Variants in AGAP1 observed in about 807,000 individuals in gnomAD.
The protein encoded by AGAP1 is ArfGAP with GTPase domain, ankyrin repeat and PH domain 1, also known as arf-GAP with GTPase, ANK repeat and PH domain-containing protein 1.
AGAP1 carries 29 observed loss-of-function variants against 105.3 expected under a neutral mutation model. The observed-to-expected ratio is 0.28, with a 90% CI of 0.21 to 0.38. The LOEUF (loss-of-function observed/expected upper bound fraction) is 0.38. AGAP1 is among the 10% of genes least tolerant of loss of function. The pLI is 1.00. For synonymous variants in AGAP1, 509 were observed against 485.9 expected, an observed-to-expected ratio of 1.05 and a Z score of -0.63; for missense variants, 998 against 1,165.1, an observed-to-expected ratio of 0.86 and a Z score of 2.09.
At position 235,712,355 on chromosome 2, in the gene AGAP1, A is replaced by G. The variant is rs753025538; in HGVS notation, c.222+3118A>G. Among the ~76,000 whole-genome samples, 1 of 152,246 alleles carries G rather than the reference A, an allele frequency of 6.6e-6. No homozygotes were observed. Among genetic ancestry groups the G allele is most frequent in the Non-Finnish European group, 1.5e-5 (1 of 68,040 alleles). On this transcript the variant is annotated intron_variant, in intron 2 of 17. Coordinates refer to ENST00000304032, the MANE Select transcript of AGAP1 (RefSeq NM_001037131.3). This position sits in a 1 kb window ranked among gnomAD's most constrained non-coding sequence, Gnocchi z 6.0. ...AAGTTGTGCTGTGGTCAGATCGTCCATGACCAGTTGCTTTTGGTGCTGCAC... is the reference window on the plus strand; with the variant it reads ...AAGTTGTGCTGTGGTCAGATCGTCCGTGACCAGTTGCTTTTGGTGCTGCAC...
At position 235,842,810 on chromosome 2, in the gene AGAP1, C is replaced by T. The variant is rs946873763; in HGVS notation, c.1050+35479C>T. On this transcript the variant is annotated intron_variant, in intron 9 of 17. Coordinates refer to ENST00000304032, the MANE Select transcript of AGAP1 (RefSeq NM_001037131.3). This position sits in a 1 kb window ranked among gnomAD's most constrained non-coding sequence, Gnocchi z 5.3. ...TGGCACGGTCTTGGTTCACTGCAACCTCTGCCTCCCAGGTTCAAGTGATTC... is the reference window on the plus strand; with the variant it reads ...TGGCACGGTCTTGGTTCACTGCAACTTCTGCCTCCCAGGTTCAAGTGATTC... 4.0e-5 allele frequency among the ~76,000 whole-genome samples: 6 copies of T among 149,874 alleles called. No individual in the cohort carries two copies. Among genetic ancestry groups the T allele is most frequent in the Admixed American group, 6.6e-5 (1 of 15,130 alleles).
chr2:235,763,940 G>A (rs902757668), intron 6 of AGAP1, among the ~76,000 whole-genome samples: 3 of 152,168 alleles, frequency 2.0e-5, no homozygotes, highest in Non-Finnish European at 2.9e-5. Flanking sequence ...GGGAGCAGCC[G>A]TGCTCCCCAG....
At chr2:235,862,800 G>GC (rs2048983976) in intron 9 of AGAP1, among the ~76,000 whole-genome samples, 2 of 152,204 alleles carry the variant, frequency 1.3e-5, no homozygotes, top group Non-Finnish European at 2.9e-5. Flanking sequence ...CCTGAGGGCA[G>GC]CCCTGGGTTG....
rs1031651089 is a variant in AGAP1, at chr2:236,020,001, CTT to C, written c.1646-16559_1646-16558del. Among the ~76,000 whole-genome samples the C allele has an allele frequency of 6.6e-6, 1 of 152,246 alleles. No homozygotes were observed. Among genetic ancestry groups the C allele is most frequent in the Non-Finnish European group, 1.5e-5 (1 of 68,036 alleles). On this transcript the variant is annotated intron_variant, in intron 13 of 17. Coordinates refer to ENST00000304032, the MANE Select transcript of AGAP1 (RefSeq NM_001037131.3). The surrounding 1 kb of genome is among the most constrained non-coding windows in gnomAD (Gnocchi z 5.0). ...TTCTCTTTCACACTGAATCACTGCT[CTT>C]GTTTGTATGAGGCAGGCATGGGCGC... is the stretch of plus-strand genomic sequence containing the variant.
intron 1 of AGAP1, among the ~76,000 whole-genome samples, chr2:235,594,244 G>C (rs902765662): frequency 3.3e-5 from 5 of 151,442 alleles, no homozygotes; most frequent in Non-Finnish European, 7.4e-5. Context: ...CCCCCTTCTG[G>C]TGACTAGGAA....
At chr2:235,876,683 C>T (rs1014722215) in intron 9 of AGAP1, among the ~76,000 whole-genome samples, 32 of 152,302 alleles carry the variant, frequency 2.1e-4, no homozygotes, top group African/African-American at 7.2e-4. Flanking sequence ...GTGCTGGCCC[C>T]GCCCCACCTC....
chr2:235,967,091 C>T lies in AGAP1; in HGVS notation c.1484-1371C>T, dbSNP rs757103428. ...ACAGGCGAGGGTCCTCACGGTGGCC[C>T]GCAAGCCCCCTCCTCTCCAGTGCCA... is the stretch of plus-strand genomic sequence containing the variant. On this transcript the variant is annotated intron_variant, in intron 12 of 17. Coordinates refer to ENST00000304032, the MANE Select transcript of AGAP1 (RefSeq NM_001037131.3). This position sits in a 1 kb window ranked among gnomAD's most constrained non-coding sequence, Gnocchi z 4.7. 4.6e-5 allele frequency among the ~76,000 whole-genome samples: 7 copies of T among 152,128 alleles called. No homozygotes were observed. Among genetic ancestry groups the T allele is most frequent in the Non-Finnish European group, 1.0e-4 (7 of 67,998 alleles).
rs1947924201 is a variant in AGAP1, at chr2:235,660,815, C to G, written c.164-48364C>G. On this transcript the variant is annotated intron_variant, in intron 1 of 17. Coordinates refer to ENST00000304032, the MANE Select transcript of AGAP1 (RefSeq NM_001037131.3). The surrounding 1 kb of genome is among the most constrained non-coding windows in gnomAD (Gnocchi z 5.3). ...TCATCACATCTTATTGTCGCAGCTA[C>G]CGTATTGTTCTTGTCCCGTTTTTGC... Among the ~76,000 whole-genome samples the G allele has an allele frequency of 6.6e-6, 1 of 152,168 alleles. No individual in the cohort carries two copies. The highest frequency in any genetic ancestry group is 2.1e-4 in the South Asian group (1 of 4,830).
chr2:235,613,840 C>T (rs1439925904), intron 1 of AGAP1, among the ~76,000 whole-genome samples: 1 of 152,220 alleles, frequency 6.6e-6, no homozygotes, highest in Non-Finnish European at 1.5e-5. Context: ...CGAGGAGAGG[C>T]TGTAATTAAC....
chr2:236,125,501 TAGAAA>T lies in AGAP1; in HGVS notation c.*1380_*1384del, dbSNP rs1262835066. 1 of 152,156 alleles carries T rather than the reference TAGAAA, an allele frequency of 6.6e-6. No homozygotes were observed. The highest frequency in any genetic ancestry group is 1.5e-5 in the Non-Finnish European group (1 of 68,032). 9.4% of individuals were successfully genotyped at this position (152,156 alleles called of 1,614,324 possible). Reference sequence around the variant, plus strand: ...AAAAAAAAGACACACTGGAGTATATTAGAAAGGAAAAAGAAGGAATGTGGTCTCTC... The same window carrying T: ...AAAAAAAAGACACACTGGAGTATATTGGAAAAAGAAGGAATGTGGTCTCTC... On this transcript the variant is annotated 3_prime_UTR_variant, in exon 18 of 18. Coordinates refer to ENST00000304032, the MANE Select transcript of AGAP1 (RefSeq NM_001037131.3). The surrounding 1 kb of genome is among the most constrained non-coding windows in gnomAD (Gnocchi z 5.2).
intron 9 of AGAP1, among the ~76,000 whole-genome samples, chr2:235,857,228 T>TA (rs773691625): frequency 3.3e-5 from 5 of 152,252 alleles, no homozygotes; most frequent in Admixed American, 1.3e-4. Context: ...CTCACAGAAG[T>TA]GCGAACCCTA....
chr2:235,812,636 CA>C (rs1055738202), intron 9 of AGAP1, among the ~76,000 whole-genome samples: 1 of 152,212 alleles, frequency 6.6e-6, no homozygotes, highest in Non-Finnish European at 1.5e-5. Context: ...ATGGAGGAAA[CA>C]AATGTGAAGA....
rs2049107710 is a variant in AGAP1 at position 235,865,322 on chromosome 2, C to T, written c.1051-18023C>T. Among the ~76,000 whole-genome samples, 1 of 152,184 alleles carries T rather than the reference C, an allele frequency of 6.6e-6. No homozygotes were observed. The highest frequency in any genetic ancestry group is 1.5e-5 in the Non-Finnish European group (1 of 68,038). On this transcript the variant is annotated intron_variant, in intron 9 of 17. Coordinates refer to ENST00000304032, the MANE Select transcript of AGAP1 (RefSeq NM_001037131.3). The surrounding 1 kb of genome is among the most constrained non-coding windows in gnomAD (Gnocchi z 6.2). The stretch of plus-strand genomic sequence containing the variant: ...AGGTAGGAATAGACGCGGCTAATGA[C>T]AGGAAGGTCGCGCGGGTGAGCTGAC...
At position 235,719,741 on chromosome 2, in the gene AGAP1, A is replaced by G. The variant is rs1951289424; in HGVS notation, c.310+2097A>G. 6.6e-6 allele frequency among the ~76,000 whole-genome samples: 1 copy of G among 152,174 alleles called. No homozygotes were observed. Among genetic ancestry groups the G allele is most frequent in the Non-Finnish European group, 1.5e-5 (1 of 68,026 alleles). The stretch of plus-strand genomic sequence containing the variant: ...TCCCTGACCTTTTCTCATGCCCTGC[A>G]GCAGCCCTCCCTGGGCATGTGGCCT... On this transcript the variant is annotated intron_variant, in intron 3 of 17. Transcript: ENST00000304032. This position sits in a 1 kb window ranked among gnomAD's most constrained non-coding sequence, Gnocchi z 4.9.
chr2:236,094,009 C>T (rs952365385), intron 16 of AGAP1, among the ~76,000 whole-genome samples: 9 of 152,120 alleles, frequency 5.9e-5, no homozygotes, highest in African/African-American at 2.2e-4. Flanking sequence ...GTACTAACAA[C>T]AGTCATATGG....
At position 235,753,907 on chromosome 2, in the gene AGAP1, T is replaced by A. The variant is rs977524491; in HGVS notation, c.673+3419T>A. Among the ~76,000 whole-genome samples the A allele has an allele frequency of 6.6e-6, 1 of 152,218 alleles. No homozygotes were observed. The highest frequency in any genetic ancestry group is 2.4e-5 in the African/African-American group (1 of 41,444). ...TCTTATTTGTATATGTATTTTCATG[T>A]AAATCACAAACACTCTCATTGTTAG... On this transcript the variant is annotated intron_variant, in intron 6 of 17. Transcript: ENST00000304032. The surrounding 1 kb of genome is among the most constrained non-coding windows in gnomAD (Gnocchi z 4.5).
At chr2:235,835,827 CAA>C (rs1960090172) in intron 9 of AGAP1, among the ~76,000 whole-genome samples, 2 of 152,296 alleles carry the variant, frequency 1.3e-5, no homozygotes, top group African/African-American at 4.8e-5. Context: ...GCTTCTTAGA[CAA>C]AGAAGGCGGC....
chr2:236,112,210 G>C (rs2059664325), intron 16 of AGAP1, among the ~76,000 whole-genome samples: 1 of 152,144 alleles, frequency 6.6e-6, no homozygotes. Flanking sequence ...GAGGTCCATA[G>C]TTTGAGACCA....
In AGAP1 at chr2:235,970,385, A is replaced by G. The variant is rs1364628665; in HGVS notation, c.1645+1762A>G. On this transcript the variant is annotated intron_variant, in intron 13 of 17. Transcript: ENST00000304032. This position sits in a 1 kb window ranked among gnomAD's most constrained non-coding sequence, Gnocchi z 5.4. ...CGCTCTGTGTTGGTAAGACTCCTTC[A>G]GACAACCGTTGGGCAAAAATCACCC... Among the ~76,000 whole-genome samples, 1 of 152,120 alleles carries G rather than the reference A, an allele frequency of 6.6e-6. No individual in the cohort carries two copies. The highest frequency in any genetic ancestry group is 2.4e-5 in the African/African-American group (1 of 41,426).
Sources: allele counts gnomAD v4.1 joint callset (sites outside exome capture counted in the v4.1 genomes callset), GRCh38; gene constraint gnomAD v4.1.1; non-coding constraint Gnocchi (gnomAD v3.1); transcripts MANE v1.5; gene names NCBI Gene and HGNC (gene_info 2026-07-23, HGNC 2026-07-21).